The following CLHC1 variants were observed in gnomAD, a reference collection of about 807,000 sequenced individuals.
CLHC1 encodes the protein clathrin heavy chain linker domain containing 1, also known as clathrin heavy chain linker domain-containing protein 1.
Under a neutral mutation model 69.5 loss-of-function variants are expected in CLHC1, and 72 were observed. That is an observed-to-expected ratio of 1.04 (90% CI 0.86 to 1.26). The LOEUF is 1.26. Among genes scored for constraint, CLHC1 ranks in the 50% most tolerant of loss-of-function variants. CLHC1 has a pLI of 0.00. For missense variants in CLHC1, 790 were observed against 679.3 expected (o/e 1.16, Z -1.81); for synonymous variants, 223 against 224.3 (o/e 0.99, Z 0.05).
intron 9 of CLHC1, among the ~76,000 whole-genome samples, chr2:55,184,953 CACACACACAA>C (rs1179235781): frequency 6.7e-6 from 1 of 149,256 alleles, no homozygotes; most frequent in Non-Finnish European, 1.5e-5. Flanking sequence ...CACACACACA[CACACACACAA>C]AGATTTCCTA....
At position 55,181,744 on chromosome 2, in the gene CLHC1, G is replaced by A. The variant is rs776640253; in HGVS notation, c.1007C>T (p.Ala336Val). The change falls in exon 10 of 13, where the codon GCT becomes GTT. Residue 336 changes from alanine (A) to valine (V), a missense_variant and splice_region_variant. Transcript: ENST00000401408. ...RNIGTMNTFK[A>V]VGKIRGKPLP... ...AGGCTTTCCTCTAATTTTTCCAACAGCTACAGAAAGGAGAAAATTTTCTGA... is the reference window on the plus strand; with the variant it reads ...AGGCTTTCCTCTAATTTTTCCAACAACTACAGAAAGGAGAAAATTTTCTGA... 7 of 1,608,044 alleles carry A rather than the reference G, an allele frequency of 4.4e-6. No individual in the cohort carries two copies. The highest frequency in any genetic ancestry group is 5.9e-6 in the Non-Finnish European group (7 of 1,178,322).
intron 3 of CLHC1, among the ~76,000 whole-genome samples, chr2:55,221,635 G>C (rs1674126266): frequency 1.3e-5 from 2 of 152,302 alleles, no homozygotes; most frequent in Non-Finnish European, 2.9e-5. Context: ...AGATGAAAAG[G>C]TGAAAATTAT....
intron 3 of CLHC1, among the ~76,000 whole-genome samples, chr2:55,221,174 G>C (rs1004536010): frequency 6.6e-6 from 1 of 152,126 alleles, no homozygotes; most frequent in Non-Finnish European, 1.5e-5. Flanking sequence ...TTTTCTCAGA[G>C]ACCAACAGTT....
Position 55,177,741 on chromosome 2 carries a change from T to C in CLHC1, c.1425A>G (p.Glu475=). ...ACTCTTTAGTGAGACACTGAATTAA[T>C]TCAACTTGGGGACATGACATTAATA... ...LQLLMSCPQV[E]LIQCLTKELN... Residue 475 remains glutamate (E), a synonymous_variant, in exon 12 of 13, where the codon GAA becomes GAG. Transcript: ENST00000401408. 1 of 1,612,512 alleles carries C rather than the reference T, an allele frequency of 6.2e-7. No homozygotes were observed. Among genetic ancestry groups the C allele is most frequent in the African/African-American group, 1.3e-5 (1 of 75,008 alleles).
chr2:55,192,888 C>CT (rs71410488), intron 9 of CLHC1, among the ~76,000 whole-genome samples: 1,351 of 117,170 alleles, frequency 0.012, 18 homozygotes, highest in Non-Finnish European at 0.014. Context: ...ATCTCTGTGA[C>CT]TTTTTTTTTT....
intron 9 of CLHC1, among the ~76,000 whole-genome samples, chr2:55,190,420 GA>G (rs1039388114): frequency 6.6e-6 from 1 of 151,862 alleles, no homozygotes; most frequent in Non-Finnish European, 1.5e-5. Context: ...CCCATACTGA[GA>G]AAAAAATGTA....
intron 5 of CLHC1, among the ~76,000 whole-genome samples, 187 bp downstream of exon 5, chr2:55,212,486 C>A (rs1235476115): frequency 6.6e-6 from 1 of 152,188 alleles, no homozygotes; most frequent in Non-Finnish European, 1.5e-5. Flanking sequence ...CTGACTGAAA[C>A]TCAATCTTTT....
At position 55,174,219 on chromosome 2, in the gene CLHC1, C is replaced by A. The variant is rs1669188968; in HGVS notation, c.*1571G>T. Among the ~76,000 whole-genome samples the A allele has an allele frequency of 6.6e-6, 1 of 152,038 alleles. No individual in the cohort carries two copies. Among genetic ancestry groups the A allele is most frequent in the Non-Finnish European group, 1.5e-5 (1 of 68,006 alleles). On this transcript the variant is annotated 3_prime_UTR_variant, in exon 13 of 13. Transcript: ENST00000401408. Reference sequence around the variant, plus strand: ...ATGCACATGTATTACTTTAAAAATGCTACGTTTTAGAAAGCTGAATTATAA... The same window carrying A: ...ATGCACATGTATTACTTTAAAAATGATACGTTTTAGAAAGCTGAATTATAA...
Position 55,175,771 on chromosome 2 carries a change from A to G in CLHC1, c.*19T>C. Reference sequence around the variant, plus strand: ...CATAAGGTGTTGTACAAGCTCCCTCAGCTGGTTAAGATATAGAACTACCAA... The same window carrying G: ...CATAAGGTGTTGTACAAGCTCCCTCGGCTGGTTAAGATATAGAACTACCAA... On this transcript the variant is annotated 3_prime_UTR_variant, in exon 13 of 13. Transcript: ENST00000401408. 1 of 1,597,492 alleles carries G rather than the reference A, an allele frequency of 6.3e-7. No homozygotes were observed. The highest frequency in any genetic ancestry group is 8.6e-7 in the Non-Finnish European group (1 of 1,166,516).
intron 11 of CLHC1, among the ~76,000 whole-genome samples, chr2:55,179,667 C>A (rs576603324): frequency 6.6e-6 from 1 of 152,028 alleles, no homozygotes; most frequent in Non-Finnish European, 1.5e-5. Flanking sequence ...GTCAGCAATG[C>A]CTGTACTTAC....
chr2:55,208,754 T>C (rs760566097), intron 7 of CLHC1, 44 bp from the exon 8 acceptor site: 16 of 1,342,664 alleles, frequency 1.2e-5, no homozygotes. Flanking sequence ...TAAGGTTACT[T>C]ACCAATAGAA....
intron 9 of CLHC1, 36 bp downstream of exon 9, chr2:55,206,234 T>C (rs777589550): frequency 8.1e-7 from 1 of 1,227,704 alleles, no homozygotes; most frequent in Non-Finnish European, 1.2e-6. Flanking sequence ...GTAGTAAATT[T>C]TCATACATAT....
rs537937642 is a variant in CLHC1 at position 55,228,398 on chromosome 2, G to C, written c.-255-194C>G. On this transcript the variant is annotated intron_variant, in intron 1 of 12. Coordinates refer to ENST00000401408, the MANE Select transcript of CLHC1 (RefSeq NM_152385.4). ...TTGGACTTGTGGTGCTCTCAAACCA[G>C]AACACAGCTAAAGGGATTGTTCCTT... Among the ~76,000 whole-genome samples the C allele has an allele frequency of 5.3e-5, 8 of 152,300 alleles. 1 individual carries two copies. Among genetic ancestry groups the C allele is most frequent in the African/African-American group, 1.7e-4 (7 of 41,568 alleles).
In CLHC1 at chr2:55,181,713, TG is replaced by T; in HGVS notation, c.1037del (p.Pro346HisfsTer24). 1 of 1,613,248 alleles carries T rather than the reference TG, an allele frequency of 6.2e-7. No homozygotes were observed. On this transcript the variant is annotated frameshift_variant, in exon 10 of 13. Transcript: ENST00000401408. LOFTEE classifies it high-confidence loss of function. ...AGAGGGCCTCAAAAAATAAGAGTAA[TG>T]GAAGAGGCTTTCCTCTAATTTTTCC... Reference protein sequence around the residue: ...AVGKIRGKPLPLLLFFEALFI... With the variant: ...AVGKIRGKPLXLLLFFEALFI...
intron 9 of CLHC1, among the ~76,000 whole-genome samples, chr2:55,189,806 A>T (rs1670747829): frequency 6.6e-6 from 1 of 152,198 alleles, no homozygotes; most frequent in African/African-American, 2.4e-5. Context: ...TAGAGGGACT[A>T]ATCCCTAGAG....
Position 55,174,796 on chromosome 2 carries a change from C to T in CLHC1, c.*994G>A, listed in dbSNP as rs1669242361. 3 of 151,602 alleles carry T rather than the reference C, an allele frequency of 2.0e-5. No homozygotes were observed. The highest frequency in any genetic ancestry group is 6.6e-5 in the Admixed American group (1 of 15,196). 9.4% of individuals were successfully genotyped at this position (151,602 alleles called of 1,614,324 possible). Reference sequence around the variant, plus strand: ...AAATTTTTTTTTCTTTTTTTAATAACAGAGACGGGATCTCACTGTGTTACC... The same window carrying T: ...AAATTTTTTTTTCTTTTTTTAATAATAGAGACGGGATCTCACTGTGTTACC... On this transcript the variant is annotated 3_prime_UTR_variant, in exon 13 of 13. Coordinates refer to ENST00000401408, the MANE Select transcript of CLHC1 (RefSeq NM_152385.4).
intron 2 of CLHC1, among the ~76,000 whole-genome samples, chr2:55,223,658 G>A (rs1013907456): frequency 6.6e-6 from 1 of 152,188 alleles, no homozygotes; most frequent in Non-Finnish European, 1.5e-5. Flanking sequence ...AGGCTCGCGG[G>A]GACCACTGGC....
intron 11 of CLHC1, 75 bp downstream of exon 11, chr2:55,180,435 G>T: frequency 9.6e-7 from 1 of 1,039,948 alleles, no homozygotes; most frequent in Non-Finnish European, 1.5e-6. Context: ...TTAAAGTAGT[G>T]CTTGCTATTA....
chr2:55,184,000 C>T (rs1157541078), intron 9 of CLHC1, among the ~76,000 whole-genome samples: 13 of 152,034 alleles, frequency 8.6e-5, no homozygotes, highest in Non-Finnish European at 1.3e-4. Context: ...AGGATGGTCT[C>T]GATCTCTTGA....
Sources: allele counts gnomAD v4.1 joint callset (sites outside exome capture counted in the v4.1 genomes callset), GRCh38; gene constraint gnomAD v4.1.1; transcripts MANE v1.5; gene names NCBI Gene and HGNC (gene_info 2026-07-23, HGNC 2026-07-21).